MRTFB: variants seen among roughly 807,000 people sequenced by gnomAD.
MRTFB encodes myocardin related transcription factor B.
In MRTFB, 29 loss-of-function variants were observed where a neutral mutation model predicts 104.2. That is an observed-to-expected ratio of 0.28 (90% confidence interval 0.21 to 0.38). The LOEUF is 0.38. Among genes scored for constraint, MRTFB ranks in the 10% least tolerant of loss-of-function variants. The pLI is 1.00. For missense variants in MRTFB, 1,270 were observed against 1,341.6 expected (o/e 0.95, Z 0.83); for synonymous variants, 535 against 519.5 (o/e 1.03, Z -0.41).
chr16:14,115,475 G>A (rs2036496602), intron 2 of MRTFB, among the ~76,000 whole-genome samples: 1 of 152,084 alleles, frequency 6.6e-6, no homozygotes, highest in African/African-American at 2.4e-5. Context: ...AACCTAATTT[G>A]CCCCAATTAA....
intron 8 of MRTFB, among the ~76,000 whole-genome samples, chr16:14,223,126 G>T (rs1340002886): frequency 6.6e-6 from 1 of 152,094 alleles, no homozygotes; most frequent in East Asian, 1.9e-4. Flanking sequence ...GGGCATCATA[G>T]TGAGACCCCA....
chr16:14,194,481 A>T (rs1198815426), intron 3 of MRTFB, among the ~76,000 whole-genome samples: 1 of 152,192 alleles, frequency 6.6e-6, no homozygotes. Context: ...ATGCAGTCAC[A>T]TTGGGGGTTA....
chr16:14,185,311 G>A (rs938932383), intron 3 of MRTFB, among the ~76,000 whole-genome samples: 2 of 152,158 alleles, frequency 1.3e-5, no homozygotes, highest in Admixed American at 1.3e-4. Context: ...TTGGAACCAG[G>A]CACAAAGGAC....
chr16:14,090,828 C>G (rs1044415204), intron 2 of MRTFB, among the ~76,000 whole-genome samples: 1 of 151,402 alleles, frequency 6.6e-6, no homozygotes, highest in African/African-American at 2.4e-5. Context: ...TAAAAGTGAG[C>G]CCAAAGAAAA....
chr16:14,114,956 A>AT (rs1448287478), intron 2 of MRTFB, among the ~76,000 whole-genome samples: 1 of 152,154 alleles, frequency 6.6e-6, no homozygotes, highest in East Asian at 1.9e-4. Flanking sequence ...CTTCATAGGT[A>AT]TTTTTTGAAT....
intron 2 of MRTFB, among the ~76,000 whole-genome samples, chr16:14,125,160 T>C (rs1596967499): frequency 6.6e-6 from 1 of 152,342 alleles, no homozygotes; most frequent in Middle Eastern, 3.4e-3. Context: ...TCCGGTGTGC[T>C]AAAGAGAAAG....
Position 14,190,499 on chromosome 16 carries a change from G to T in MRTFB, c.155-19744G>T, listed in dbSNP as rs554773032. ...AATGTGGGTCATTATTGAGATAAAT[G>T]AATCATAATTCTAATGCTACTAGCT... On this transcript the variant is annotated intron_variant, in intron 3 of 16. Coordinates refer to ENST00000571589, the MANE Select transcript of MRTFB (RefSeq NM_001308142.2). Among the ~76,000 whole-genome samples the T allele has an allele frequency of 2.2e-4, 34 of 152,282 alleles. 1 individual carries two copies. The South Asian group carries it at 6.4e-3, about 29-fold the overall frequency.
rs569561284 is a variant in MRTFB at position 14,071,772 on chromosome 16, G to A, written c.-129+407G>A. Among the ~76,000 whole-genome samples, 524 of 152,316 alleles carry A rather than the reference G, an allele frequency of 3.4e-3. 3 individuals carry two copies. Among genetic ancestry groups the A allele is most frequent in the African/African-American group, 0.012 (507 of 41,570 alleles). Reference sequence around the variant, plus strand: ...CGGGCCAGAGCCACACTGCGAGGAGGCGGTGGGAGGGGACCGGGACCCCTG... The same window carrying A: ...CGGGCCAGAGCCACACTGCGAGGAGACGGTGGGAGGGGACCGGGACCCCTG... On this transcript the variant is annotated intron_variant, in intron 1 of 16. Coordinates refer to ENST00000571589, the MANE Select transcript of MRTFB (RefSeq NM_001308142.2).
upstream of MRTFB, among the ~76,000 whole-genome samples, chr16:14,068,046 GGT>G (rs2033540723): frequency 1.3e-5 from 2 of 152,066 alleles, no homozygotes. Context: ...TGGCCAGGCT[GGT>G]GTCGAACTTC....
intron 3 of MRTFB, among the ~76,000 whole-genome samples, chr16:14,184,359 A>AT (rs1373557008): frequency 4.6e-5 from 7 of 151,508 alleles, no homozygotes; most frequent in African/African-American, 1.7e-4. Flanking sequence ...AGCAGCTGGG[A>AT]TTATAGGTAT....
chr16:14,058,910 G>C, the MRTFB span, among the ~76,000 whole-genome samples: 1 of 151,800 alleles, frequency 6.6e-6, no homozygotes, highest in Non-Finnish European at 1.5e-5. Flanking sequence ...AGTAGAGACA[G>C]GGTTTTGCCA....
the MRTFB span, among the ~76,000 whole-genome samples, chr16:13,999,511 A>AAAAG: frequency 1.3e-5 from 2 of 151,930 alleles, no homozygotes; most frequent in Non-Finnish European, 2.9e-5. Flanking sequence ...AAAAAAAAAA[A>AAAAG]AAAGAAAGAA....
chr16:14,043,899 A>G, the MRTFB span, among the ~76,000 whole-genome samples: 2 of 152,230 alleles, frequency 1.3e-5, no homozygotes, highest in South Asian at 2.1e-4. Flanking sequence ...GAAAACCTCA[A>G]TGGACAGACT....
intron 2 of MRTFB, among the ~76,000 whole-genome samples, chr16:14,117,481 T>C (rs72783483): frequency 0.057 from 8,744 of 152,322 alleles, 496 homozygotes; most frequent in East Asian, 0.29. Flanking sequence ...TATAGTTTTT[T>C]CTGTGTTTTA....
chr16:14,111,596 T>C (rs956211511), intron 2 of MRTFB, among the ~76,000 whole-genome samples: 13 of 152,200 alleles, frequency 8.5e-5, no homozygotes, highest in African/African-American at 2.7e-4. Flanking sequence ...ATGGGCAAAC[T>C]GAGAGTTGGG....
Position 14,252,354 on chromosome 16 carries a change from A to T in MRTFB, c.2566-11A>T. On this transcript the variant is annotated splice_polypyrimidine_tract_variant and intron_variant, in intron 14 of 16. Transcript: ENST00000571589. ...AAGAGGTAATGTGCACTCCTCCTTTATTTGACACAGCCTAGTTCACCCCCG... is the reference window on the plus strand; with the variant it reads ...AAGAGGTAATGTGCACTCCTCCTTTTTTTGACACAGCCTAGTTCACCCCCG... 6.2e-7 allele frequency: 1 copy of T among 1,612,030 alleles called. No individual in the cohort carries two copies. The highest frequency in any genetic ancestry group is 8.5e-7 in the Non-Finnish European group (1 of 1,178,762).
intron 16 of MRTFB, among the ~76,000 whole-genome samples, 179 bp downstream of exon 16, chr16:14,258,340 C>A (rs79057235): frequency 0.012 from 1,839 of 152,224 alleles, 39 homozygotes; most frequent in African/African-American, 0.041. Context: ...TGGCCAGGTG[C>A]GGTGGCTCAC....
chr16:14,221,907 A>G (rs1159670043), intron 8 of MRTFB, among the ~76,000 whole-genome samples: 1 of 150,134 alleles, frequency 6.7e-6, no homozygotes, highest in African/African-American at 2.5e-5. Flanking sequence ...TCAGCCTCCC[A>G]AGTAGCTGGA....
chr16:14,011,004 G>A, the MRTFB span, among the ~76,000 whole-genome samples: 1 of 152,228 alleles, frequency 6.6e-6, no homozygotes, highest in Non-Finnish European at 1.5e-5. Flanking sequence ...GAGCCAGACA[G>A]GTGGGCCCCA....
Sources: allele counts gnomAD v4.1 joint callset (sites outside exome capture counted in the v4.1 genomes callset), GRCh38; gene constraint gnomAD v4.1.1; transcripts MANE v1.5; gene names NCBI Gene and HGNC (gene_info 2026-07-23, HGNC 2026-07-21).